Variants in LRRC4C observed in about 807,000 individuals in gnomAD.
The protein encoded by LRRC4C is leucine-rich repeat-containing protein 4C.
LRRC4C carries 5 observed loss-of-function variants against 33.6 expected under a neutral mutation model. That is an observed-to-expected ratio of 0.15 (90% CI 0.08 to 0.31). LRRC4C has a LOEUF of 0.31. Among genes scored for constraint, LRRC4C ranks in the 10% least tolerant of loss-of-function variants. The probability of loss-of-function intolerance (pLI) is 1.00; values close to 1 mark genes in which losing one functional copy is unlikely to be tolerated. For missense variants in LRRC4C, 560 were observed against 796.7 expected, an observed-to-expected ratio of 0.70 and a Z score of 3.58; for synonymous variants, 329 against 302.0, an observed-to-expected ratio of 1.09 and a Z score of -0.93.
chr11:40,351,279 T>TC (rs1366123937), intron 3 of LRRC4C, among the ~76,000 whole-genome samples: 1 of 152,050 alleles, frequency 6.6e-6, no homozygotes, highest in Non-Finnish European at 1.5e-5. Context: ...TGATATGATT[T>TC]TTTTTTTTTG....
chr11:41,320,292 G>C (rs572146952), intron 1 of LRRC4C, among the ~76,000 whole-genome samples: 3 of 152,164 alleles, frequency 2.0e-5, no homozygotes, highest in Non-Finnish European at 4.4e-5. Context: ...TGATTTAGCC[G>C]ATGGTAATCC....
At chr11:40,901,088 T>C (rs192294527) in intron 2 of LRRC4C, among the ~76,000 whole-genome samples, 8 of 152,232 alleles carry the variant, frequency 5.3e-5, no homozygotes. Flanking sequence ...AAAATGTCTC[T>C]TTAAGCAAAA....
intron 2 of LRRC4C, among the ~76,000 whole-genome samples, chr11:40,893,165 C>A (rs879614977): frequency 6.6e-6 from 1 of 151,894 alleles, no homozygotes; most frequent in African/African-American, 2.4e-5. Flanking sequence ...TTTGTGGGAA[C>A]TAAAACTTTA....
At chr11:41,172,316 T>A (rs1945010901) in intron 1 of LRRC4C, among the ~76,000 whole-genome samples, 1 of 150,392 alleles carries the variant, frequency 6.6e-6, no homozygotes, top group African/African-American at 2.5e-5. Flanking sequence ...TAGAAGCCCA[T>A]AAAATATTGT....
At chr11:40,338,315 T>G (rs1946720533) in intron 3 of LRRC4C, among the ~76,000 whole-genome samples, 3 of 152,294 alleles carry the variant, frequency 2.0e-5, no homozygotes, top group Non-Finnish European at 4.4e-5. Flanking sequence ...TAAATAAAAT[T>G]AGTCAGATCC....
intron 3 of LRRC4C, among the ~76,000 whole-genome samples, chr11:40,480,928 G>A (rs185217671): frequency 6.6e-6 from 1 of 151,998 alleles, no homozygotes; most frequent in East Asian, 1.9e-4. Flanking sequence ...AGGGCCTGAG[G>A]GTGGAAAAGT....
At chr11:40,174,046 A>C (rs911770448) in intron 5 of LRRC4C, among the ~76,000 whole-genome samples, 1 of 152,198 alleles carries the variant, frequency 6.6e-6, no homozygotes, top group Non-Finnish European at 1.5e-5. Context: ...CTTTTTCAAA[A>C]GCCCCACCTA....
chr11:40,630,308 T>A (rs909283569), intron 3 of LRRC4C, among the ~76,000 whole-genome samples: 12 of 150,742 alleles, frequency 8.0e-5, no homozygotes, highest in African/African-American at 2.5e-4. Context: ...CCCTTGTTTA[T>A]TACTTGTTTT....
intron 2 of LRRC4C, among the ~76,000 whole-genome samples, chr11:40,804,787 A>G (rs1037235081): frequency 6.6e-6 from 1 of 152,200 alleles, no homozygotes; most frequent in Non-Finnish European, 1.5e-5. Flanking sequence ...CACTCTCTAA[A>G]GCTATAAAAG....
chr11:40,331,076 T>A (rs982881022), intron 3 of LRRC4C, among the ~76,000 whole-genome samples: 2 of 152,144 alleles, frequency 1.3e-5, no homozygotes, highest in East Asian at 3.9e-4. Context: ...ATGTGATACT[T>A]ACTGTGTCTC....
At chr11:40,737,425 G>T (rs1947929445) in intron 2 of LRRC4C, among the ~76,000 whole-genome samples, 1 of 152,068 alleles carries the variant, frequency 6.6e-6, no homozygotes, top group African/African-American at 2.4e-5. Context: ...GAGAAAATCA[G>T]ATTGTCTCTG....
chr11:41,003,867 C>T (rs1565290992), intron 1 of LRRC4C, among the ~76,000 whole-genome samples: 1 of 151,866 alleles, frequency 6.6e-6, no homozygotes, highest in Non-Finnish European at 1.5e-5. Flanking sequence ...GCATGAGATT[C>T]CTGATTGAAA....
chr11:41,123,333 C>T (rs946715996), intron 1 of LRRC4C, among the ~76,000 whole-genome samples: 38 of 128,428 alleles, frequency 3.0e-4, no homozygotes, highest in African/African-American at 1.2e-3. Context: ...AGTGCAGTGG[C>T]GGGATCTCGG....
At chr11:41,297,884 G>A (rs939057758) in intron 1 of LRRC4C, among the ~76,000 whole-genome samples, 3 of 151,960 alleles carry the variant, frequency 2.0e-5, no homozygotes, top group East Asian at 3.9e-4. Flanking sequence ...GACCCCCAAA[G>A]CTTTTATATT....
chr11:40,583,890 G>C (rs1215157776), intron 3 of LRRC4C, among the ~76,000 whole-genome samples: 1 of 151,540 alleles, frequency 6.6e-6, no homozygotes, highest in African/African-American at 2.4e-5. Context: ...ATAGTTTTAA[G>C]GCAGGAAGAA....
intron 2 of LRRC4C, among the ~76,000 whole-genome samples, chr11:40,685,554 G>T (rs1044711502): frequency 2.8e-4 from 43 of 151,804 alleles, no homozygotes; most frequent in African/African-American, 1.0e-3. Flanking sequence ...AAAACACACA[G>T]AATAATAATA....
At chr11:40,207,507 CAGG>C (rs1407184178) in intron 5 of LRRC4C, among the ~76,000 whole-genome samples, 3 of 152,082 alleles carry the variant, frequency 2.0e-5, no homozygotes, top group African/African-American at 7.2e-5. Flanking sequence ...GAGGCTGAGG[CAGG>C]AGGACAGCTT....
At chr11:41,418,338 T>TG (rs1185792404) in intron 1 of LRRC4C, among the ~76,000 whole-genome samples, 1 of 151,904 alleles carries the variant, frequency 6.6e-6, no homozygotes, top group African/African-American at 2.4e-5. Context: ...AACAAGGTGA[T>TG]GGGGAATAGG....
At chr11:41,197,278 C>G (rs929738142) in intron 1 of LRRC4C, among the ~76,000 whole-genome samples, 1 of 151,964 alleles carries the variant, frequency 6.6e-6, no homozygotes, top group Non-Finnish European at 1.5e-5. Flanking sequence ...GCTGATAAAG[C>G]CCAGATTCAG....
Sources: allele counts gnomAD v4.1 joint callset (sites outside exome capture counted in the v4.1 genomes callset), GRCh38; gene constraint gnomAD v4.1.1; transcripts MANE v1.5; gene names NCBI Gene and HGNC (gene_info 2026-07-23, HGNC 2026-07-21).